The following METTL25 variants were observed in gnomAD, a reference collection of about 807,000 sequenced individuals.
METTL25 encodes the protein probable methyltransferase-like protein 25.
Under a neutral mutation model 71.6 loss-of-function variants are expected in METTL25, and 64 were observed. The ratio of observed to expected loss-of-function variants is 0.89; its 90% CI spans 0.73 to 1.10. The LOEUF is 1.10. METTL25 is among the 50% of genes least tolerant of loss of function. The pLI is 0.00. For synonymous variants in METTL25, 287 were observed against 250.3 expected, an observed-to-expected ratio of 1.15 and a Z score of -1.38; for missense variants, 807 against 707.0, an observed-to-expected ratio of 1.14 and a Z score of -1.60.
At chr12:82,450,175 AG>A (rs2137231490) in intron 8 of METTL25, among the ~76,000 whole-genome samples, 1 of 152,022 alleles carries the variant, frequency 6.6e-6, no homozygotes, top group South Asian at 2.1e-4. Context: ...CTAATTGTTG[AG>A]GTGGCTTTTT....
chr12:82,369,598 A>G (rs190025713), intron 1 of METTL25: 60 of 289,344 alleles, frequency 2.1e-4, no homozygotes, highest in African/African-American at 1.3e-3. Context: ...TGCAGACCCA[A>G]AGAGTGAGCA....
chr12:82,408,377 A>G (rs900185340), intron 5 of METTL25, among the ~76,000 whole-genome samples: 4 of 152,026 alleles, frequency 2.6e-5, no homozygotes, highest in Non-Finnish European at 5.9e-5. Context: ...ACCAAAACAA[A>G]GTCCTTGAAG....
chr12:82,370,444 C>G (rs1049255694), intron 1 of METTL25, among the ~76,000 whole-genome samples: 12 of 152,116 alleles, frequency 7.9e-5, no homozygotes, highest in Non-Finnish European at 1.6e-4. Flanking sequence ...ATTTCAGAAG[C>G]CTTTTCCTGT....
chr12:82,362,691 A>G (rs1859564820), intron 1 of METTL25, among the ~76,000 whole-genome samples: 1 of 152,192 alleles, frequency 6.6e-6, no homozygotes. Flanking sequence ...CGTGTGATTT[A>G]TGTTTCAAAT....
chr12:82,393,360 A>T (rs1885774306), intron 3 of METTL25, among the ~76,000 whole-genome samples: 1 of 151,960 alleles, frequency 6.6e-6, no homozygotes, highest in Non-Finnish European at 1.5e-5. Context: ...GGTGGCATTT[A>T]TTCCTAGGGA....
At chr12:82,389,604 G>A (rs570743639) in intron 2 of METTL25, among the ~76,000 whole-genome samples, 5 of 151,814 alleles carry the variant, frequency 3.3e-5, no homozygotes, top group Middle Eastern at 3.4e-3. Flanking sequence ...TAATTGTTAC[G>A]GAATAGTTTT....
chr12:82,423,953 T>A (rs1331694276), intron 5 of METTL25, among the ~76,000 whole-genome samples: 1 of 152,152 alleles, frequency 6.6e-6, no homozygotes, highest in Non-Finnish European at 1.5e-5. Flanking sequence ...GTAAACTAGT[T>A]CAACCATTGT....
intron 5 of METTL25, among the ~76,000 whole-genome samples, chr12:82,425,641 A>G (rs1565855158): frequency 6.6e-6 from 1 of 152,084 alleles, no homozygotes. Context: ...TTAGAAAGAT[A>G]ATATTGCTCT....
At chr12:82,461,068 G>A (rs778912045) in intron 9 of METTL25, among the ~76,000 whole-genome samples, 5 of 152,054 alleles carry the variant, frequency 3.3e-5, no homozygotes, top group African/African-American at 9.7e-5. Flanking sequence ...GCATGAACCC[G>A]GGAGGCAGAG....
At chr12:82,421,098 G>A (rs1592694711) in intron 5 of METTL25, among the ~76,000 whole-genome samples, 2 of 152,130 alleles carry the variant, frequency 1.3e-5, no homozygotes, top group Non-Finnish European at 2.9e-5. Flanking sequence ...CTGACCTCAG[G>A]TGATCTGCCC....
chr12:82,473,639 T>C (rs1158838859), intron 9 of METTL25, among the ~76,000 whole-genome samples: 2 of 152,170 alleles, frequency 1.3e-5, no homozygotes, highest in Non-Finnish European at 2.9e-5. Context: ...ACCACAGGGC[T>C]GTTTGTACAT....
intron 8 of METTL25, among the ~76,000 whole-genome samples, chr12:82,442,715 A>G (rs142215669): frequency 1.1e-3 from 160 of 152,280 alleles, no homozygotes; most frequent in African/African-American, 3.8e-3. Flanking sequence ...GGAAATTCAG[A>G]TGAAGAGTAC....
At chr12:82,428,324 A>G (rs1404591130) in intron 5 of METTL25, among the ~76,000 whole-genome samples, 1 of 151,842 alleles carries the variant, frequency 6.6e-6, no homozygotes, top group African/African-American at 2.4e-5. Flanking sequence ...CGGATGGGTA[A>G]AGGGAGGAGT....
rs797003187 is a variant in METTL25, at chr12:82,389,599, G to A, written c.425-217G>A. Among the ~76,000 whole-genome samples the A allele has an allele frequency of 1.5e-4, 23 of 152,006 alleles. 2 individuals are homozygous for A. The highest frequency in any genetic ancestry group is 5.5e-4 in the African/African-American group (23 of 41,506). ...CCAGTCTTTTCCATTATAGTTAATTGTTACGGAATAGTTTTAATGTTCTAT... is the reference window on the plus strand; with the variant it reads ...CCAGTCTTTTCCATTATAGTTAATTATTACGGAATAGTTTTAATGTTCTAT... On this transcript the variant is annotated intron_variant, in intron 2 of 11. Coordinates refer to ENST00000248306, the MANE Select transcript of METTL25 (RefSeq NM_032230.3).
intron 10 of METTL25, 30 bp downstream of exon 10, chr12:82,476,748 G>A (rs1467165644): frequency 1.4e-5 from 20 of 1,426,528 alleles, no homozygotes; most frequent in Non-Finnish European, 1.8e-5. Flanking sequence ...ATATTAAATT[G>A]GATATGTTGC....
At chr12:82,365,115 A>G (rs140121958) in intron 1 of METTL25, among the ~76,000 whole-genome samples, 1,531 of 152,312 alleles carry the variant, frequency 0.01, 17 homozygotes, top group African/African-American at 0.035. Context: ...TAGATCTAAT[A>G]AAGAGTCTTA....
intron 1 of METTL25, among the ~76,000 whole-genome samples, chr12:82,372,845 G>C (rs932104543): frequency 5.3e-5 from 8 of 152,160 alleles, no homozygotes; most frequent in African/African-American, 1.9e-4. Flanking sequence ...GATTGGAATA[G>C]TTGCACTCGC....
At chr12:82,443,269 A>G (rs1890485788) in intron 8 of METTL25, among the ~76,000 whole-genome samples, 1 of 152,010 alleles carries the variant, frequency 6.6e-6, no homozygotes, top group Non-Finnish European at 1.5e-5. Flanking sequence ...ACAAAGGGAA[A>G]ATTCTTAAAG....
At chr12:82,461,641 C>T (rs572131209) in intron 9 of METTL25, among the ~76,000 whole-genome samples, 4 of 151,968 alleles carry the variant, frequency 2.6e-5, no homozygotes, top group Middle Eastern at 6.8e-3. Context: ...AGAGAAAATT[C>T]ATGCTTGTCA....
Sources: gnomAD v4.1 joint callset for allele counts (sites outside exome capture counted in the v4.1 genomes callset) on GRCh38, gnomAD v4.1.1 for gene constraint, MANE v1.5 for transcripts, NCBI Gene and HGNC (gene_info 2026-07-23, HGNC 2026-07-21) for gene names.